Variants in ADK observed in about 807,000 individuals in gnomAD.
ADK encodes adenosine kinase.
Under a neutral mutation model 44.7 loss-of-function variants are expected in ADK, and 24 were observed. The ratio of observed to expected loss-of-function variants is 0.54; its 90% CI spans 0.39 to 0.76. ADK has a LOEUF of 0.76. Among genes scored for constraint, ADK ranks in the 30% least tolerant of loss-of-function variants. The pLI, the probability that ADK is intolerant of heterozygous loss-of-function variation, is 0.00. For synonymous variants in ADK, 128 were observed against 142.6 expected (o/e 0.90, Z 0.73); for missense variants, 321 against 425.1 (o/e 0.76, Z 2.15).
At chr10:74,631,946 CT>C (rs1183503666) in intron 9 of ADK, among the ~76,000 whole-genome samples, 2 of 151,402 alleles carry the variant, frequency 1.3e-5, no homozygotes, top group African/African-American at 2.4e-5. Flanking sequence ...TGTATTTCTT[CT>C]TTTTTTTTCT....
At chr10:74,247,224 G>GTTATTTT (rs1845452241) in intron 3 of ADK, among the ~76,000 whole-genome samples, 1 of 72,004 alleles carries the variant, frequency 1.4e-5, no homozygotes, top group African/African-American at 6.1e-5. Flanking sequence ...TTTTTTTTAA[G>GTTATTTT]TTTTTTTTTT....
At chr10:74,485,238 T>C (rs1847222486) in intron 6 of ADK, among the ~76,000 whole-genome samples, 1 of 152,078 alleles carries the variant, frequency 6.6e-6, no homozygotes, top group Non-Finnish European at 1.5e-5. Context: ...ACAGGAAATT[T>C]ACCTTAGAAG....
chr10:74,213,276 TA>T (rs999196750), intron 2 of ADK, among the ~76,000 whole-genome samples: 4 of 151,712 alleles, frequency 2.6e-5, no homozygotes, highest in East Asian at 1.9e-4. Context: ...CCCAGCTAAT[TA>T]AAAAAAAATT....
intron 3 of ADK, among the ~76,000 whole-genome samples, chr10:74,235,992 A>G (rs1320139588): frequency 6.6e-6 from 1 of 152,226 alleles, no homozygotes; most frequent in Non-Finnish European, 1.5e-5. Flanking sequence ...ACCATACTCT[A>G]GGACTTCCCA....
At chr10:74,193,071 T>C (rs1294948815) in intron 1 of ADK, among the ~76,000 whole-genome samples, 1 of 152,230 alleles carries the variant, frequency 6.6e-6, no homozygotes, top group African/African-American at 2.4e-5. Context: ...ATATTTTGTA[T>C]TGTTACCTTT....
chr10:74,556,845 G>T (rs779050893), intron 7 of ADK, among the ~76,000 whole-genome samples: 84 of 152,124 alleles, frequency 5.5e-4, no homozygotes, highest in Non-Finnish European at 9.1e-4. Context: ...AGATTTCAGT[G>T]CCTGGTGGTA....
rs376697488 is a variant in ADK, at chr10:74,667,467, G to GA, written c.878-2710dup. 2.5e-3 allele frequency among the ~76,000 whole-genome samples: 381 copies of GA among 150,180 alleles called. 1 individual carries two copies. The highest frequency in any genetic ancestry group is 8.8e-3 in the African/African-American group (360 of 40,838). On this transcript the variant is annotated intron_variant, in intron 9 of 10. Coordinates refer to ENST00000539909, the MANE Select transcript of ADK (RefSeq NM_006721.4). ...GTGTATATATATATATATATCTCCA[G>GA]AAAAAATCATTATAAAGCTGCATTT...
At position 74,485,967 on chromosome 10, in the gene ADK, A is replaced by G. The variant is rs185861956; in HGVS notation, c.556-39289A>G. ...TATGTTTTTGGAAAGTCAAAGGATA[A>G]TAATAGCCAAGACCATCTTCAAGAC... On this transcript the variant is annotated intron_variant, in intron 6 of 10. Coordinates refer to ENST00000539909, the MANE Select transcript of ADK (RefSeq NM_006721.4). Among the ~76,000 whole-genome samples the G allele has an allele frequency of 3.6e-4, 55 of 152,340 alleles. 1 individual carries two copies. Among genetic ancestry groups the G allele is most frequent in the African/African-American group, 1.3e-3 (53 of 41,566 alleles).
intron 3 of ADK, among the ~76,000 whole-genome samples, chr10:74,233,306 G>A (rs1366768434): frequency 6.6e-6 from 1 of 152,202 alleles, no homozygotes; most frequent in Non-Finnish European, 1.5e-5. Context: ...TGTTAATAGG[G>A]AAACTGTGAA....
At chr10:74,465,937 T>C (rs1302104934) in intron 6 of ADK, among the ~76,000 whole-genome samples, 1 of 152,212 alleles carries the variant, frequency 6.6e-6, no homozygotes, top group Non-Finnish European at 1.5e-5. Context: ...TTATGATAGA[T>C]GGATTTTTAA....
chr10:74,571,166 G>A (rs1232152712), intron 7 of ADK, among the ~76,000 whole-genome samples: 1 of 152,168 alleles, frequency 6.6e-6, no homozygotes, highest in East Asian at 1.9e-4. Context: ...TAAGCTTTTT[G>A]ATGTGCTGCT....
intron 1 of ADK, chr10:74,176,794 G>T: frequency 1.9e-6 from 3 of 1,595,168 alleles, no homozygotes; most frequent in Non-Finnish European, 2.5e-6. Flanking sequence ...GGAAGCAGTT[G>T]CTGTGGTACC....
intron 9 of ADK, among the ~76,000 whole-genome samples, chr10:74,645,573 T>C (rs1854026532): frequency 6.6e-6 from 1 of 152,218 alleles, no homozygotes; most frequent in Non-Finnish European, 1.5e-5. Flanking sequence ...TTGTGACCCC[T>C]GAATGATTTC....
intron 6 of ADK, among the ~76,000 whole-genome samples, chr10:74,464,397 A>T (rs1202054998): frequency 2.0e-5 from 3 of 151,762 alleles, no homozygotes; most frequent in African/African-American, 7.2e-5. Context: ...ATTTAAAAAA[A>T]AAAATTACCT....
chr10:74,658,617 T>C lies in ADK; in HGVS notation c.878-11566T>C, dbSNP rs180768003. Among the ~76,000 whole-genome samples, 540 of 151,988 alleles carry C rather than the reference T, an allele frequency of 3.6e-3. 6 individuals are homozygous for C. The highest frequency in any genetic ancestry group is 0.012 in the African/African-American group (505 of 41,456). On this transcript the variant is annotated intron_variant, in intron 9 of 10. Coordinates refer to ENST00000539909, the MANE Select transcript of ADK (RefSeq NM_006721.4). ...TGCCCGGCTGGCTTTTAATTTTTTT[T>C]GTAGAGACAGCTTGTTGTGCAGGCT...
At chr10:74,518,753 GA>G (rs1848695569) in intron 6 of ADK, among the ~76,000 whole-genome samples, 2 of 151,218 alleles carry the variant, frequency 1.3e-5, no homozygotes, top group Non-Finnish European at 2.9e-5. Context: ...GAAAAACAAA[GA>G]AAATATTAGA....
intron 3 of ADK, among the ~76,000 whole-genome samples, chr10:74,225,149 C>T (rs1844485971): frequency 6.6e-6 from 1 of 152,198 alleles, no homozygotes; most frequent in African/African-American, 2.4e-5. Flanking sequence ...GCAATCTCGG[C>T]TCATTGCAAC....
intron 7 of ADK, among the ~76,000 whole-genome samples, chr10:74,582,421 T>G (rs949290930): frequency 6.6e-6 from 1 of 152,222 alleles, no homozygotes; most frequent in African/African-American, 2.4e-5. Context: ...TACTAAAAAC[T>G]TGGGTTGTTC....
chr10:74,691,858 A>T (rs371365822), intron 10 of ADK, among the ~76,000 whole-genome samples: 69 of 152,246 alleles, frequency 4.5e-4, no homozygotes, highest in African/African-American at 1.6e-3. Flanking sequence ...TCCTGAGGTT[A>T]TATGTGTGGC....
Sources: gnomAD v4.1 joint callset for allele counts (sites outside exome capture counted in the v4.1 genomes callset) on GRCh38, gnomAD v4.1.1 for gene constraint, MANE v1.5 for transcripts, NCBI Gene and HGNC (gene_info 2026-07-23, HGNC 2026-07-21) for gene names.